The following DENND4A variants were observed in gnomAD, a reference collection of about 807,000 sequenced individuals.
The protein encoded by DENND4A is DENN domain containing 4A, also known as C-myc promoter-binding protein.
DENND4A carries 70 observed loss-of-function variants against 199.3 expected under a neutral mutation model. The ratio of observed to expected loss-of-function variants is 0.35; its 90% CI spans 0.29 to 0.43. The LOEUF (loss-of-function observed/expected upper bound fraction) is 0.43. Among genes scored for constraint, DENND4A ranks in the 20% least tolerant of loss-of-function variants. The probability of loss-of-function intolerance (pLI) is 1.00; values close to 1 mark genes in which losing one functional copy is unlikely to be tolerated. For synonymous variants in DENND4A, 686 were observed against 766.9 expected, an observed-to-expected ratio of 0.89 and a Z score of 1.74; for missense variants, 1,723 against 2,255.8, an observed-to-expected ratio of 0.76 and a Z score of 4.78.
chr15:65,664,424 T>C, intron 31 of DENND4A, 30 bp from the exon 32 acceptor site: 1 of 1,545,496 alleles, frequency 6.5e-7, no homozygotes, highest in South Asian at 1.2e-5. Context: ...GAGAAAATAT[T>C]AGTATCCATA....
At chr15:65,713,261 T>C (rs2075299746) in intron 14 of DENND4A, among the ~76,000 whole-genome samples, 1 of 152,224 alleles carries the variant, frequency 6.6e-6, no homozygotes, top group Non-Finnish European at 1.5e-5. Flanking sequence ...TTCTTAACCT[T>C]AATACTTTCT....
chr15:65,691,958 CTTTT>C (rs767840868), intron 22 of DENND4A, among the ~76,000 whole-genome samples: 1 of 134,082 alleles, frequency 7.5e-6, no homozygotes. Context: ...CTGAGTCTTC[CTTTT>C]TTTTTTTTTT....
intron 23 of DENND4A, among the ~76,000 whole-genome samples, chr15:65,682,329 T>C (rs559579890): frequency 6.6e-6 from 1 of 152,208 alleles, no homozygotes; most frequent in East Asian, 1.9e-4. Flanking sequence ...ACATCTTCTA[T>C]ATTAGCACTT....
chr15:65,702,819 T>C (rs574702195), intron 16 of DENND4A, 54 bp downstream of exon 16: 5 of 1,482,724 alleles, frequency 3.4e-6, no homozygotes, highest in African/African-American at 2.8e-5. Context: ...AGGATAAATA[T>C]CCAATTTATT....
intron 5 of DENND4A, among the ~76,000 whole-genome samples, chr15:65,740,963 C>G (rs982533430): frequency 6.6e-6 from 1 of 151,690 alleles, no homozygotes; most frequent in Non-Finnish European, 1.5e-5. Flanking sequence ...CCCCGTACCC[C>G]CCCCAAAAAA....
chr15:65,716,880 T>C (rs1016566981), intron 13 of DENND4A, among the ~76,000 whole-genome samples: 1 of 152,056 alleles, frequency 6.6e-6, no homozygotes, highest in Non-Finnish European at 1.5e-5. Flanking sequence ...AAAGTGTTCC[T>C]ATTTCTCCAC....
At chr15:65,728,487 C>CTTTTTTTTTTTTTTT (rs201253758) in intron 11 of DENND4A, among the ~76,000 whole-genome samples, 1 of 138,504 alleles carries the variant, frequency 7.2e-6, no homozygotes, top group African/African-American at 2.7e-5. Flanking sequence ...TTTTCTTTTT[C>CTTTTTTTTTTTTTTT]TTTTTTTTTT....
chr15:65,670,414 T>C (rs2076181172), intron 25 of DENND4A, among the ~76,000 whole-genome samples: 1 of 152,222 alleles, frequency 6.6e-6, no homozygotes, highest in Non-Finnish European at 1.5e-5. Context: ...TGAGGATTTT[T>C]TTCATTATAA....
intron 22 of DENND4A, 125 bp from the exon 23 acceptor site, chr15:65,691,636 A>G (rs897117766): frequency 1.0e-6 from 1 of 958,582 alleles, no homozygotes; most frequent in Admixed American, 2.9e-5. Context: ...CTGCTATTTG[A>G]CAGATACTAT....
chr15:65,690,830 T>A lies in DENND4A; in HGVS notation c.3764A>T (p.Tyr1255Phe). Residue 1255 changes from tyrosine to phenylalanine, a missense_variant, in exon 23 of 33, where the codon TAT becomes TTT. Physicochemically the swap from Tyr to Phe is conservative, Grantham distance 22. Around this residue, in one of 6 missense-constraint regions of DENND4A, gnomAD observed 650 missense variants for 738.1 expected, o/e 0.88. Transcript: ENST00000443035. Reference protein sequence around the residue: ...RRDLAEEIVMYMNNMSSPLTS... With the variant: ...RRDLAEEIVMFMNNMSSPLTS... The stretch of plus-strand genomic sequence containing the variant: ...CAAAGGACTGCTCATGTTATTCATA[T>A]ACATCACAATTTCTTCAGCTAAATC... 6.2e-7 allele frequency: 1 copy of A among 1,613,286 alleles called. No individual in the cohort carries two copies. The highest frequency in any genetic ancestry group is 8.5e-7 in the Non-Finnish European group (1 of 1,179,708).
At chr15:65,687,989 C>G (rs1273972679) in intron 23 of DENND4A, among the ~76,000 whole-genome samples, 1 of 152,110 alleles carries the variant, frequency 6.6e-6, no homozygotes, top group African/African-American at 2.4e-5. Context: ...TCTTTTCTAA[C>G]AGAATCTCTC....
chr15:65,720,340 TGGA>T (rs956133455), intron 12 of DENND4A, among the ~76,000 whole-genome samples: 15 of 152,120 alleles, frequency 9.9e-5, no homozygotes, highest in African/African-American at 2.7e-4. Flanking sequence ...CGAGAGTTTT[TGGA>T]GGAGTTCTTA....
intron 12 of DENND4A, among the ~76,000 whole-genome samples, chr15:65,718,243 G>C (rs1433189104): frequency 1.3e-5 from 2 of 151,992 alleles, no homozygotes; most frequent in African/African-American, 4.8e-5. Context: ...AAAAAGCTCA[G>C]GTCGGTCATG....
chr15:65,737,957 G>A lies in DENND4A; in HGVS notation c.802-12C>T, dbSNP rs755285719. ...GCAGCACCATAAACCTGCAAAACAA[G>A]TAATATATCCAGTAAATATACTTTG... is the stretch of plus-strand genomic sequence containing the variant. On this transcript the variant is annotated splice_polypyrimidine_tract_variant and intron_variant, in intron 6 of 32. Coordinates refer to ENST00000443035, the MANE Select transcript of DENND4A (RefSeq NM_001320835.1). The A allele has an allele frequency of 2.6e-6, 4 of 1,560,720 alleles. No homozygotes were observed. In the South Asian group the frequency reaches 4.7e-5, roughly 18 times the overall value.
intron 30 of DENND4A, 70 bp from the exon 31 acceptor site, chr15:65,664,792 A>T: frequency 7.8e-7 from 1 of 1,287,970 alleles, no homozygotes; most frequent in Admixed American, 2.6e-5. Context: ...TTAAGCAGCA[A>T]CTGACAGATA....
intron 14 of DENND4A, among the ~76,000 whole-genome samples, chr15:65,710,699 A>G (rs537834487): frequency 1.6e-4 from 24 of 152,356 alleles, no homozygotes; most frequent in Admixed American, 1.2e-3. Flanking sequence ...TGGTTTGGAT[A>G]TGTGTCTATT....
At chr15:65,693,535 C>T (rs1378798298) in intron 22 of DENND4A, among the ~76,000 whole-genome samples, 2 of 151,944 alleles carry the variant, frequency 1.3e-5, no homozygotes, top group Non-Finnish European at 2.9e-5. Context: ...TTTCTCAGAT[C>T]TTTGAACACG....
At chr15:65,788,013 T>C (rs1453602373) in intron 1 of DENND4A, among the ~76,000 whole-genome samples, 3 of 152,048 alleles carry the variant, frequency 2.0e-5, no homozygotes, top group Non-Finnish European at 4.4e-5. Context: ...AGAGAAGCAA[T>C]GTTTAATGAC....
chr15:65,697,014 G>A (rs568267575), intron 21 of DENND4A: 2 of 362,478 alleles, frequency 5.5e-6, no homozygotes, highest in African/African-American at 2.1e-5. Flanking sequence ...CTAAATACAT[G>A]TATTTTTGGA....
Sources: allele counts gnomAD v4.1 joint callset (sites outside exome capture counted in the v4.1 genomes callset), GRCh38; gene constraint gnomAD v4.1.1; regional missense constraint gnomAD v4.1.1; transcripts MANE v1.5; gene names NCBI Gene and HGNC (gene_info 2026-07-23, HGNC 2026-07-21).